The following MTRES1 variants were observed in gnomAD, a reference collection of about 807,000 sequenced individuals.
The protein encoded by MTRES1 is uncharacterized protein C6orf203.
A neutral mutation model predicts 17.4 loss-of-function variants in MTRES1; 11 were observed. The observed-to-expected ratio is 0.63, with a 90% CI of 0.40 to 1.05. MTRES1 has a LOEUF of 1.05. Ranked by LOEUF, MTRES1 falls within the 50% of genes least tolerant of loss-of-function variation. The pLI is 0.00. For synonymous variants in MTRES1, 94 were observed against 99.6 expected (o/e 0.94, Z 0.34); for missense variants, 268 against 276.2 (o/e 0.97, Z 0.21).
chr6:107,046,930 T>TTGTG (rs67662472), intron 3 of MTRES1, among the ~76,000 whole-genome samples: 434 of 32,960 alleles, frequency 0.013, 3 homozygotes, highest in Middle Eastern at 0.07. Flanking sequence ...GGATTCATTC[T>TTGTG]TGTGTGTGTG....
At chr6:107,038,914 C>T (rs142466701) in intron 1 of MTRES1, among the ~76,000 whole-genome samples, 1,917 of 151,998 alleles carry the variant, frequency 0.013, 45 homozygotes, top group African/African-American at 0.044. Flanking sequence ...ATTAGCTGGA[C>T]GTGGTGGTGC....
chr6:107,035,037 C>T (rs1292151675), intron 1 of MTRES1, among the ~76,000 whole-genome samples: 2 of 152,134 alleles, frequency 1.3e-5, no homozygotes, highest in Non-Finnish European at 2.9e-5. Flanking sequence ...CATTTACTAG[C>T]TGTGCCACTT....
In MTRES1 at chr6:107,051,200, A is replaced by G. The variant is rs1401042545; in HGVS notation, c.687A>G (p.Lys229=). The G allele has an allele frequency of 6.2e-7, 1 of 1,613,900 alleles. No homozygotes were observed. Among genetic ancestry groups the G allele is most frequent in the East Asian group, 2.2e-5 (1 of 44,882 alleles). Residue 229 remains lysine (K), a synonymous_variant, in exon 4 of 4, where the codon AAA becomes AAG. Transcript: ENST00000311381. ...ACAGAGTGGTGTTACGGCGGTGGAA[A>G]AGTTTAAAGTTGCCTAAGAAGAGAA... The part of the protein sequence containing the change: ...EKYRVVLRRW[K]SLKLPKKRMS...
In MTRES1 at chr6:107,051,550, A is replaced by G. The variant is rs1219853019; in HGVS notation, c.*314A>G. Among the ~76,000 whole-genome samples the G allele has an allele frequency of 6.6e-6, 1 of 152,198 alleles. No individual in the cohort carries two copies. The highest frequency in any genetic ancestry group is 2.4e-5 in the African/African-American group (1 of 41,448). On this transcript the variant is annotated 3_prime_UTR_variant, in exon 4 of 4. Transcript: ENST00000311381. ...TGCTGTTTCCCACATAAACTACCTC[A>G]GGAGTCACTGTAAAATAAACTGGCC...
intron 1 of MTRES1, among the ~76,000 whole-genome samples, chr6:107,036,566 G>A (rs1774015136): frequency 6.6e-6 from 1 of 151,826 alleles, no homozygotes; most frequent in South Asian, 2.1e-4. Context: ...AATTCTGGCT[G>A]GGTGCGGTGA....
At chr6:107,032,275 G>A (rs1392259690) in intron 1 of MTRES1, among the ~76,000 whole-genome samples, 6 of 151,984 alleles carry the variant, frequency 3.9e-5, no homozygotes, top group Non-Finnish European at 8.8e-5. Context: ...CCAAGTGCCT[G>A]GCTAGGCCTT....
chr6:107,038,573 TA>T (rs782530180), intron 1 of MTRES1, among the ~76,000 whole-genome samples: 3 of 152,190 alleles, frequency 2.0e-5, no homozygotes, highest in African/African-American at 4.8e-5. Flanking sequence ...TAAAAGGAGT[TA>T]AAATGCAGGT....
rs1774412591 is a variant in MTRES1, at chr6:107,046,933, TGTGTGTGTGTGTGTGTGTGTGTG to T, written c.543+2602_543+2624del. Among the ~76,000 whole-genome samples the T allele has an allele frequency of 3.0e-3, 448 of 146,912 alleles. 6 individuals are homozygous for T. Among genetic ancestry groups the T allele is most frequent in the African/African-American group, 0.011 (405 of 38,452 alleles). On this transcript the variant is annotated intron_variant, in intron 3 of 3. Transcript: ENST00000311381. The stretch of plus-strand genomic sequence containing the variant: ...GAAGCTCCAAAGGGATTCATTCTTG[TGTGTGTGTGTGTGTGTGTGTGTG>T]TGTGTGTGTGTGTGTGTGTGTATTT...
At position 107,046,502 on chromosome 6, in the gene MTRES1, G is replaced by A. The variant is rs1453993412; in HGVS notation, c.543+2170G>A. ...TGTCTTGTTACTAGGAGGCCTGGTA[G>A]CCATAGAAACTGCAGCTAACTAGAG... is the stretch of plus-strand genomic sequence containing the variant. On this transcript the variant is annotated intron_variant, in intron 3 of 3. Coordinates refer to ENST00000311381, the MANE Select transcript of MTRES1 (RefSeq NM_016487.5). Among the ~76,000 whole-genome samples, 3 of 152,162 alleles carry A rather than the reference G, an allele frequency of 2.0e-5. No homozygotes were observed. In the East Asian group the frequency reaches 5.8e-4, roughly 29 times the overall value.
chr6:107,036,406 G>A lies in MTRES1; in HGVS notation c.-12-3343G>A, dbSNP rs139999105. ...TAAAAATACAAAATTAGCCAGACGT[G>A]GTAGCGCATGCCTGTAATCGCAGCT... On this transcript the variant is annotated intron_variant, in intron 1 of 3. Transcript: ENST00000311381. 8.9e-4 allele frequency among the ~76,000 whole-genome samples: 135 copies of A among 152,138 alleles called. 1 individual carries two copies. In the East Asian group the frequency reaches 0.023, roughly 26 times the overall value.
chr6:107,049,979 C>T (rs11756880), intron 3 of MTRES1, among the ~76,000 whole-genome samples: 25,352 of 152,154 alleles, frequency 0.17, 2,528 homozygotes, highest in Non-Finnish European at 0.22. Context: ...CCTTGGCCTC[C>T]CAAAGTGCTG....
chr6:107,046,854 C>G (rs781973495), intron 3 of MTRES1, among the ~76,000 whole-genome samples: 1 of 152,120 alleles, frequency 6.6e-6, no homozygotes, highest in Non-Finnish European at 1.5e-5. Context: ...CTAAACTCAT[C>G]TCTTCCTGGG....
chr6:107,037,885 A>T (rs1554227097), intron 1 of MTRES1, among the ~76,000 whole-genome samples: 3 of 151,790 alleles, frequency 2.0e-5, no homozygotes, highest in African/African-American at 7.3e-5. Flanking sequence ...CACCCGGCTA[A>T]TTTTTGTATT....
At chr6:107,029,877 A>C (rs896924318) in intron 1 of MTRES1, 1 of 585,860 alleles carries the variant, frequency 1.7e-6, no homozygotes, top group Non-Finnish European at 3.0e-6. Flanking sequence ...AAGTGCTGGG[A>C]TTATAGGCGT....
intron 3 of MTRES1, among the ~76,000 whole-genome samples, chr6:107,046,815 G>A (rs1554228427): frequency 6.6e-6 from 1 of 152,118 alleles, no homozygotes; most frequent in Non-Finnish European, 1.5e-5. Context: ...GTGGGTGTGT[G>A]GTGTCCAAGT....
In MTRES1 at chr6:107,039,986, T is replaced by C. The variant is rs782594078; in HGVS notation, c.226T>C (p.Cys76Arg). 1 of 1,613,870 alleles carries C rather than the reference T, an allele frequency of 6.2e-7. No individual in the cohort carries two copies. ...RLPGLLLSPE[C>R]IFPFSVRLKS... Reference sequence around the variant, plus strand: ...CCCAGGGCTTTTACTATCTCCAGAATGTATTTTTCCTTTTTCCGTAAGACT... The same window carrying C: ...CCCAGGGCTTTTACTATCTCCAGAACGTATTTTTCCTTTTTCCGTAAGACT... The change falls in exon 2 of 4, where the codon TGT becomes CGT. Residue 76 changes from cysteine to arginine, a missense_variant. Physicochemically the swap from Cys to Arg is radical, Grantham distance 180. Coordinates refer to ENST00000311381, the MANE Select transcript of MTRES1 (RefSeq NM_016487.5).
chr6:107,044,253 T>A lies in MTRES1; in HGVS notation c.471-7T>A. 6.2e-7 allele frequency: 1 copy of A among 1,612,906 alleles called. No individual in the cohort carries two copies. Among genetic ancestry groups the A allele is most frequent in the Non-Finnish European group, 8.5e-7 (1 of 1,179,206 alleles). On this transcript the variant is annotated splice_polypyrimidine_tract_variant and splice_region_variant and intron_variant, in intron 2 of 3. Transcript: ENST00000311381. ...TGTGTACATTGTTGCTTTTTTTTGT[T>A]TTGTAGCAAAGTGGAAGATGCTTTC...
Position 107,051,403 on chromosome 6 carries a change from C to T in MTRES1, c.*167C>T. 2 of 586,782 alleles carry T rather than the reference C, an allele frequency of 3.4e-6. No individual in the cohort carries two copies. Among genetic ancestry groups the T allele is most frequent in the South Asian group, 4.1e-5 (2 of 48,244 alleles). 36.3% of individuals were successfully genotyped at this position (586,782 alleles called of 1,614,324 possible). Reference sequence around the variant, plus strand: ...TCTGGAGACACTTCCCAAGGCCTGCCTCACCTCCACCCCCTGCCCACCTTG... The same window carrying T: ...TCTGGAGACACTTCCCAAGGCCTGCTTCACCTCCACCCCCTGCCCACCTTG... On this transcript the variant is annotated 3_prime_UTR_variant, in exon 4 of 4. Coordinates refer to ENST00000311381, the MANE Select transcript of MTRES1 (RefSeq NM_016487.5).
chr6:107,040,264 T>G (rs1554227553), intron 2 of MTRES1, 34 bp downstream of exon 2: 6 of 1,542,586 alleles, frequency 3.9e-6, no homozygotes, highest in Non-Finnish European at 5.2e-6. Flanking sequence ...ATAAACTCGC[T>G]CGTAGTCATG....
Sources: allele counts gnomAD v4.1 joint callset (sites outside exome capture counted in the v4.1 genomes callset), GRCh38; gene constraint gnomAD v4.1.1; transcripts MANE v1.5; gene names NCBI Gene and HGNC (gene_info 2026-07-23, HGNC 2026-07-21).